The following ZNF516 variants were observed in gnomAD, a reference collection of about 807,000 sequenced individuals.
The protein encoded by ZNF516 is zinc finger protein 516.
In ZNF516, 19 loss-of-function variants were observed where a neutral mutation model predicts 79.7. The ratio of observed to expected loss-of-function variants is 0.24; its 90% CI spans 0.17 to 0.35. The LOEUF is 0.35. Among genes scored for constraint, ZNF516 ranks in the 10% least tolerant of loss-of-function variants. The pLI, the probability that ZNF516 is intolerant of heterozygous loss-of-function variation, is 1.00. For synonymous variants in ZNF516, 877 were observed against 739.5 expected (o/e 1.19, Z -3.02); for missense variants, 1,678 against 1,679.5 (o/e 1.00, Z 0.02).
chr18:76,484,890 C>T (rs1437524211), intron 1 of ZNF516, among the ~76,000 whole-genome samples: 3 of 152,178 alleles, frequency 2.0e-5, no homozygotes, highest in Non-Finnish European at 4.4e-5. Context: ...TCCTGTGAAA[C>T]CATTAACAGA....
chr18:76,433,790 A>C (rs894995634), intron 3 of ZNF516, among the ~76,000 whole-genome samples: 2 of 152,214 alleles, frequency 1.3e-5, no homozygotes, highest in African/African-American at 4.8e-5. Flanking sequence ...TCACGGATAC[A>C]GGAGGGCGAC....
rs1482200471 is a variant in ZNF516, at chr18:76,359,358, A to G, written c.*3140T>C. Reference sequence around the variant, plus strand: ...AAATCTGTCCGTCTAAGATGACAATAAGACCTTCCAGGGAACCAGGCAGAA... The same window carrying G: ...AAATCTGTCCGTCTAAGATGACAATGAGACCTTCCAGGGAACCAGGCAGAA... On this transcript the variant is annotated 3_prime_UTR_variant, in exon 7 of 7. Transcript: ENST00000443185. The G allele has an allele frequency of 6.6e-6, 1 of 152,254 alleles. No homozygotes were observed. Among genetic ancestry groups the G allele is most frequent in the African/African-American group, 2.4e-5 (1 of 41,464 alleles). The allele number at this position is 152,254 out of a possible 1,614,324, so 9.4% of individuals were successfully genotyped here.
At chr18:76,439,682 G>A (rs570874672) in intron 3 of ZNF516, among the ~76,000 whole-genome samples, 2 of 152,154 alleles carry the variant, frequency 1.3e-5, no homozygotes, top group Non-Finnish European at 2.9e-5. Context: ...TGAATCAGGT[G>A]ACCACCATCA....
At chr18:76,381,691 T>C (rs1263550249) in intron 3 of ZNF516, among the ~76,000 whole-genome samples, 2 of 152,178 alleles carry the variant, frequency 1.3e-5, no homozygotes, top group Non-Finnish European at 2.9e-5. Context: ...CAGCGGGCAG[T>C]TAGTGCGCAA....
chr18:76,454,193 C>CA (rs888304255), intron 2 of ZNF516, among the ~76,000 whole-genome samples: 2 of 152,142 alleles, frequency 1.3e-5, no homozygotes, highest in African/African-American at 2.4e-5. Context: ...AGTCAGCGCC[C>CA]AAAAAAATCC....
chr18:76,493,125 CCGTTT>C lies in ZNF516; in HGVS notation c.-272+2014_-272+2018del, dbSNP rs914202912. The C allele has an allele frequency of 5.1e-6, 5 of 985,154 alleles. No individual in the cohort carries two copies. In the African/African-American group the frequency reaches 8.7e-5, roughly 17 times the overall value. The allele number at this position is 985,154 out of a possible 1,614,324, so 61.0% of individuals were successfully genotyped here. On this transcript the variant is annotated intron_variant, in intron 1 of 6. Transcript: ENST00000443185. The surrounding 1 kb of genome is among the most constrained non-coding windows in gnomAD (Gnocchi z 5.2). Reference sequence around the variant, plus strand: ...TTTTTTTTTCCTCCTCTCCTCCCTACCGTTTCATTTAATGGTAAAACAACAGCAGA... The same window carrying C: ...TTTTTTTTTCCTCCTCTCCTCCCTACCATTTAATGGTAAAACAACAGCAGA...
intron 3 of ZNF516, chr18:76,387,312 AC>A (rs1457921196): frequency 6.6e-6 from 1 of 152,230 alleles, no homozygotes; most frequent in Non-Finnish European, 1.5e-5. Flanking sequence ...GATGATTCTT[AC>A]GTGCCTTACA....
chr18:76,490,681 C>T, intron 1 of ZNF516: 2 of 761,560 alleles, frequency 2.6e-6, no homozygotes, highest in Non-Finnish European at 3.2e-6. Flanking sequence ...TTTAAATTAC[C>T]TTCAATCAAG....
At chr18:76,470,368 A>G (rs1176213103) in intron 1 of ZNF516, among the ~76,000 whole-genome samples, 2 of 152,148 alleles carry the variant, frequency 1.3e-5, no homozygotes, top group Non-Finnish European at 2.9e-5. Context: ...TCTACCCAAC[A>G]CAAGTATGCT....
At chr18:76,490,559 A>G in intron 1 of ZNF516, 1 of 175,438 alleles carries the variant, frequency 5.7e-6, no homozygotes, top group Non-Finnish European at 1.1e-5. Flanking sequence ...TGGTTTTTAA[A>G]ATAAGCTGGA....
rs942217471 is a variant in ZNF516 at position 76,492,508 on chromosome 18, C to T, written c.-272+2636G>A. ...TTTGCCAGGGACTAGGCATCAACTC[C>T]CAGTGAGAAAATCACATGTGAAGTT... On this transcript the variant is annotated intron_variant, in intron 1 of 6. Transcript: ENST00000443185. 30 of 404,748 alleles carry T rather than the reference C, an allele frequency of 7.4e-5. No individual in the cohort carries two copies. The Admixed American group carries it at 1.9e-3, about 26-fold the overall frequency. 25.1% of individuals were successfully genotyped at this position (404,748 alleles called of 1,614,324 possible).
Position 76,380,307 on chromosome 18 carries a change from G to A in ZNF516, c.1811-4C>T, listed in dbSNP as rs199555539. On this transcript the variant is annotated splice_region_variant and splice_polypyrimidine_tract_variant and intron_variant, in intron 3 of 6. Transcript: ENST00000443185. The stretch of plus-strand genomic sequence containing the variant: ...CAGCAGCGGCGCGGCTGTCCCCCTA[G>A]AGGAGGCAAAATATGAAACGGGAAG... The A allele has an allele frequency of 9.5e-5, 153 of 1,610,036 alleles. No homozygotes were observed. The highest frequency in any genetic ancestry group is 1.3e-4 in the Non-Finnish European group (148 of 1,177,842).
Position 76,369,411 on chromosome 18 carries a change from C to CA in ZNF516, c.3432+1116dup, listed in dbSNP as rs369624049. On this transcript the variant is annotated intron_variant, in intron 6 of 6. Transcript: ENST00000443185. ...ACAATACACAGAAATTCCAACAAGG[C>CA]AAAAAAAACAAAAACAAAAACAAAA... Among the ~76,000 whole-genome samples, 1,075 of 150,810 alleles carry CA rather than the reference C, an allele frequency of 7.1e-3. 2 individuals are homozygous for CA. Among genetic ancestry groups the CA allele is most frequent in the African/African-American group, 0.025 (1,011 of 40,968 alleles).
chr18:76,400,028 TCAGCCCTGCCCAAGGGCAG>T (rs1206367902), intron 3 of ZNF516, among the ~76,000 whole-genome samples: 2 of 152,088 alleles, frequency 1.3e-5, no homozygotes, highest in Non-Finnish European at 2.9e-5. Context: ...CGCAGAGCAA[TCAGCCCTGCCCAAGGGCAG>T]CAGCCCTTCT....
At chr18:76,471,488 G>A (rs936040620) in intron 1 of ZNF516, among the ~76,000 whole-genome samples, 3 of 152,164 alleles carry the variant, frequency 2.0e-5, no homozygotes, top group South Asian at 2.1e-4. Flanking sequence ...TCTGTGAAAT[G>A]TGTCATTTGT....
At chr18:76,484,787 A>C (rs1209801863) in intron 1 of ZNF516, among the ~76,000 whole-genome samples, 1 of 152,224 alleles carries the variant, frequency 6.6e-6, no homozygotes, top group Non-Finnish European at 1.5e-5. Context: ...AAAATATGTA[A>C]ATATTAGGAA....
Position 76,451,190 on chromosome 18 carries a change from A to AT in ZNF516, c.-157-7980dup, listed in dbSNP as rs563379478. ...TTTCCAAATGCCTATCTAGCTTGGC[A>AT]TTTTTTTCAGTTCTGGTTCATGAAT... On this transcript the variant is annotated intron_variant, in intron 2 of 6. Coordinates refer to ENST00000443185, the MANE Select transcript of ZNF516 (RefSeq NM_014643.4). The surrounding 1 kb of genome is among the most constrained non-coding windows in gnomAD (Gnocchi z 6.0). Among the ~76,000 whole-genome samples, 615 of 152,164 alleles carry AT rather than the reference A, an allele frequency of 4.0e-3. 3 individuals are homozygous for AT. The highest frequency in any genetic ancestry group is 0.031 in the Middle Eastern group (9 of 294).
intron 1 of ZNF516, among the ~76,000 whole-genome samples, chr18:76,489,469 T>C (rs1411143299): frequency 6.6e-6 from 1 of 151,962 alleles, no homozygotes; most frequent in Admixed American, 6.6e-5. Flanking sequence ...GTTAGGTAAA[T>C]GGAATTAAAA....
chr18:76,406,467 G>A (rs535140185), intron 3 of ZNF516, among the ~76,000 whole-genome samples: 5 of 152,224 alleles, frequency 3.3e-5, no homozygotes, highest in Non-Finnish European at 7.3e-5. Context: ...AGGAGGCTGA[G>A]GCAGGAGAAT....
Sources: allele counts gnomAD v4.1 joint callset (sites outside exome capture counted in the v4.1 genomes callset), GRCh38; gene constraint gnomAD v4.1.1; non-coding constraint Gnocchi (gnomAD v3.1); transcripts MANE v1.5; gene names NCBI Gene and HGNC (gene_info 2026-07-23, HGNC 2026-07-21).